The following COPA variants were observed in gnomAD, a reference collection of about 807,000 sequenced individuals.
The protein encoded by COPA is coat protein complex I subunit alpha.
In COPA, 10 loss-of-function variants were observed where a neutral mutation model predicts 158.7. The ratio of observed to expected loss-of-function variants is 0.06; its 90% CI spans 0.04 to 0.11. COPA has a LOEUF of 0.11. COPA is among the 10% of genes least tolerant of loss of function. The pLI is 1.00. For synonymous variants in COPA, 462 were observed against 542.8 expected, an observed-to-expected ratio of 0.85 and a Z score of 2.07; for missense variants, 1,065 against 1,536.7, an observed-to-expected ratio of 0.69 and a Z score of 5.13.
In COPA at chr1:160,317,655, A is replaced by T; in HGVS notation, c.707-3530T>A. 8.5e-6 allele frequency: 13 copies of T among 1,524,052 alleles called. No homozygotes were observed. In the South Asian group the frequency reaches 1.2e-4, roughly 14 times the overall value. The allele number at this position is 1,524,052 out of a possible 1,614,324, so 94.4% of individuals were successfully genotyped here. ...CAAAAGAACTGGGAATGGAGGAAGA[A>T]GATGTGATTGAAGTTTATCAGGAAC... On this transcript the variant is annotated intron_variant, in intron 8 of 32. Coordinates refer to ENST00000241704, the MANE Select transcript of COPA (RefSeq NM_004371.4).
chr1:160,293,978 C>T (rs1181471873), intron 25 of COPA, among the ~76,000 whole-genome samples: 1 of 152,190 alleles, frequency 6.6e-6, no homozygotes, highest in Admixed American at 6.5e-5. Flanking sequence ...TCAGATGAAA[C>T]AGCTTGCTAC....
chr1:160,290,614 G>A lies in COPA; in HGVS notation c.3493C>T (p.Pro1165Ser), dbSNP rs773178506. 21 of 1,614,058 alleles carry A rather than the reference G, an allele frequency of 1.3e-5. No homozygotes were observed. In the South Asian group the frequency reaches 2.3e-4, roughly 18 times the overall value. The stretch of plus-strand genomic sequence containing the variant: ...TATGATGCAGCACAAATGTCAAAGG[G>A]GTTGTGCATGTCATAATTGAGCTGG... Reference protein sequence around the residue: ...AYQLNYDMHNPFDICAASYRP... With the variant: ...AYQLNYDMHNSFDICAASYRP... The change falls in exon 32 of 33, where the codon CCC (proline) becomes TCC (serine). Residue 1165 changes from proline (P) to serine (S), a missense_variant. Physicochemically the swap from Pro to Ser is moderately conservative, Grantham distance 74. Coordinates refer to ENST00000241704, the MANE Select transcript of COPA (RefSeq NM_004371.4).
At chr1:160,335,883 C>CAAAA (rs10562824) in intron 3 of COPA, among the ~76,000 whole-genome samples, 6 of 67,994 alleles carry the variant, frequency 8.8e-5, no homozygotes, top group African/African-American at 1.2e-4. Flanking sequence ...GACTCAGTCT[C>CAAAA]AAAAAAAAAA....
chr1:160,290,732 A>G (rs767166640), intron 31 of COPA, 46 bp from the exon 32 acceptor site: 2 of 1,575,596 alleles, frequency 1.3e-6, no homozygotes, highest in East Asian at 2.2e-5. Flanking sequence ...GCTGCAGACA[A>G]CACCTCAAAG....
intron 8 of COPA, 139 bp from the exon 9 acceptor site, chr1:160,314,264 C>A: frequency 1.2e-6 from 1 of 809,348 alleles, no homozygotes; most frequent in African/African-American, 1.8e-5. Flanking sequence ...ATATGGCAAT[C>A]TTCTTCATTT....
At chr1:160,310,998 C>A (rs1201598943) in intron 11 of COPA, among the ~76,000 whole-genome samples, 1 of 152,146 alleles carries the variant, frequency 6.6e-6, no homozygotes, top group Non-Finnish European at 1.5e-5. Context: ...ATTTTCCATC[C>A]ACAAGGTCAC....
At chr1:160,321,275 C>T (rs566133411) in intron 8 of COPA, among the ~76,000 whole-genome samples, 6 of 152,274 alleles carry the variant, frequency 3.9e-5, no homozygotes, top group East Asian at 3.9e-4. Context: ...CTTTTCTCTA[C>T]GGACCAGAAG....
chr1:160,305,967 C>T (rs987006323), intron 15 of COPA, 194 bp from the exon 16 acceptor site: 3 of 608,108 alleles, frequency 4.9e-6, no homozygotes, highest in South Asian at 4.0e-5. Context: ...TGTGCACTTA[C>T]CCCTTCCTCA....
intron 25 of COPA, among the ~76,000 whole-genome samples, 178 bp downstream of exon 25, chr1:160,294,306 C>G (rs1442146105): frequency 6.6e-6 from 1 of 152,150 alleles, no homozygotes; most frequent in Admixed American, 6.5e-5. Context: ...TTCCTTCTTT[C>G]AAATGGGAGA....
intron 8 of COPA, among the ~76,000 whole-genome samples, chr1:160,316,513 G>A (rs1383365584): frequency 1.3e-5 from 2 of 152,134 alleles, no homozygotes; most frequent in Non-Finnish European, 2.9e-5. Flanking sequence ...CACTTTGGGA[G>A]GCTGAGGTGG....
intron 6 of COPA, among the ~76,000 whole-genome samples, chr1:160,330,778 A>G (rs1475089917): frequency 1.3e-5 from 2 of 152,212 alleles, no homozygotes; most frequent in African/African-American, 4.8e-5. Flanking sequence ...ACAAAGATCT[A>G]TGAGGGGGGC....
Position 160,342,585 on chromosome 1 carries a change from T to A in COPA, c.40+546A>T, listed in dbSNP as rs145673311. On this transcript the variant is annotated intron_variant, in intron 1 of 32. Coordinates refer to ENST00000241704, the MANE Select transcript of COPA (RefSeq NM_004371.4). ...TCCTGCATTTTATCTGGCAACTCTA[T>A]CAAGTTGAGACTTTATTGGGGTTAT... 3.3e-5 allele frequency among the ~76,000 whole-genome samples: 5 copies of A among 152,322 alleles called. No homozygotes were observed. In the East Asian group the frequency reaches 9.6e-4, roughly 29 times the overall value.
At chr1:160,307,421 A>G (rs1658826484) in intron 13 of COPA, among the ~76,000 whole-genome samples, 176 bp from the exon 14 acceptor site, 1 of 152,224 alleles carries the variant, frequency 6.6e-6, no homozygotes, top group Non-Finnish European at 1.5e-5. Context: ...TTTCCCCACC[A>G]GTCCCCTCCA....
chr1:160,322,546 G>A (rs1467455823), intron 8 of COPA, among the ~76,000 whole-genome samples: 4 of 152,238 alleles, frequency 2.6e-5, no homozygotes, highest in Non-Finnish European at 4.4e-5. Flanking sequence ...ATAATTATCA[G>A]AGAAATGCAA....
chr1:160,293,276 C>T, intron 26 of COPA, 42 bp from the exon 27 acceptor site: 1 of 1,613,226 alleles, frequency 6.2e-7, no homozygotes, highest in East Asian at 2.2e-5. Flanking sequence ...GAAACTTTGT[C>T]CCTTCTCTAT....
chr1:160,328,093 G>A (rs1647344087), intron 6 of COPA, among the ~76,000 whole-genome samples: 1 of 152,212 alleles, frequency 6.6e-6, no homozygotes, highest in Non-Finnish European at 1.5e-5. Context: ...AGTAGGTAGA[G>A]AGAAATAAAG....
chr1:160,312,944 A>C, intron 10 of COPA, 141 bp downstream of exon 10: 2 of 700,372 alleles, frequency 2.9e-6, no homozygotes, highest in Admixed American at 3.0e-5. Context: ...AAAAGGAGAA[A>C]AGCTTCAACT....
intron 7 of COPA, among the ~76,000 whole-genome samples, chr1:160,324,612 A>G (rs1277687347): frequency 1.3e-5 from 2 of 152,018 alleles, no homozygotes; most frequent in East Asian, 3.9e-4. Flanking sequence ...TATCTTCTTC[A>G]TTCTTATTCT....
At chr1:160,300,471 T>C (rs988787132) in intron 17 of COPA, among the ~76,000 whole-genome samples, 1 of 152,054 alleles carries the variant, frequency 6.6e-6, no homozygotes, top group African/African-American at 2.4e-5. Flanking sequence ...AGTCCTATAA[T>C]GGCTAAATAA....
Sources: gnomAD v4.1 joint callset for allele counts (sites outside exome capture counted in the v4.1 genomes callset) on GRCh38, gnomAD v4.1.1 for gene constraint, MANE v1.5 for transcripts, NCBI Gene and HGNC (gene_info 2026-07-23, HGNC 2026-07-21) for gene names.